Variants in CNTN5 observed in about 807,000 individuals in gnomAD.
CNTN5 encodes the protein contactin 5, also known as contactin-5.
CNTN5 carries 77 observed loss-of-function variants against 129.1 expected under a neutral mutation model. The observed-to-expected ratio is 0.60, with a 90% CI of 0.50 to 0.72. The LOEUF is 0.72. CNTN5 is among the 30% of genes least tolerant of loss of function. The pLI is 0.00. For missense variants in CNTN5, 1,478 were observed against 1,328.8 expected (o/e 1.11, Z -1.75); for synonymous variants, 509 against 465.6 (o/e 1.09, Z -1.20).
intron 3 of CNTN5, among the ~76,000 whole-genome samples, chr11:99,757,117 G>C (rs1002054896): frequency 6.6e-6 from 1 of 152,012 alleles, no homozygotes; most frequent in African/African-American, 2.4e-5. Context: ...GTCTCTGAAG[G>C]CACTAGGGCA....
intron 6 of CNTN5, among the ~76,000 whole-genome samples, chr11:99,870,771 A>C (rs1948484147): frequency 6.6e-6 from 1 of 151,502 alleles, no homozygotes. Context: ...CCCTCTCCTT[A>C]AAGGATGAAA....
intron 1 of CNTN5, among the ~76,000 whole-genome samples, chr11:99,185,755 A>T (rs186683346): frequency 6.6e-6 from 1 of 151,746 alleles, no homozygotes; most frequent in East Asian, 1.9e-4. Context: ...TGAAAAAAGG[A>T]GGGGAAATAA....
intron 3 of CNTN5, among the ~76,000 whole-genome samples, chr11:99,557,950 C>A (rs926077344): frequency 6.6e-5 from 10 of 151,596 alleles, no homozygotes; most frequent in Non-Finnish European, 1.2e-4. Flanking sequence ...AAACAAAAAA[C>A]CAAGTAATTA....
intron 11 of CNTN5, among the ~76,000 whole-genome samples, chr11:100,071,363 T>G (rs723746): frequency 0.054 from 8,167 of 152,194 alleles, 356 homozygotes; most frequent in Admixed American, 0.12. Context: ...TCTTTCCCTT[T>G]GTAAACGGAA....
intron 3 of CNTN5, among the ~76,000 whole-genome samples, chr11:99,683,141 T>C (rs886544891): frequency 1.3e-4 from 20 of 151,916 alleles, no homozygotes; most frequent in African/African-American, 4.8e-4. Flanking sequence ...TATATTTTGA[T>C]AATAAAAGTT....
chr11:99,225,532 G>T (rs17133286), intron 1 of CNTN5, among the ~76,000 whole-genome samples: 1 of 151,948 alleles, frequency 6.6e-6, no homozygotes, highest in Non-Finnish European at 1.5e-5. Context: ...TGAGAAATCC[G>T]CCTATCTGTT....
chr11:99,119,898 G>T (rs11218462), intron 1 of CNTN5, among the ~76,000 whole-genome samples: 1 of 151,964 alleles, frequency 6.6e-6, no homozygotes, highest in Non-Finnish European at 1.5e-5. Flanking sequence ...TTTTTCTTTC[G>T]TATGTTTTGG....
chr11:100,074,199 A>C lies in CNTN5; in HGVS notation c.1485A>C (p.Lys495Asn), dbSNP rs1161837612. 4 of 1,612,630 alleles carry C rather than the reference A, an allele frequency of 2.5e-6. No homozygotes were observed. The highest frequency in any genetic ancestry group is 3.4e-6 in the Non-Finnish European group (4 of 1,179,216). ...NQLKKTIIVTKDQEVVIECKP... is the reference protein window; with the variant it reads ...NQLKKTIIVTNDQEVVIECKP... ...TGAAGAAAACAATAATTGTTACCAA[A>C]GACCAAGAAGTTGTCATAGAGTGCA... is the stretch of plus-strand genomic sequence containing the variant. The change falls in exon 13 of 25, where the codon AAA (lysine) becomes AAC (asparagine). Residue 495 changes from lysine to asparagine, a missense_variant. Coordinates refer to ENST00000524871, the MANE Select transcript of CNTN5 (RefSeq NM_014361.4).
chr11:99,984,785 T>A (rs900362844), intron 8 of CNTN5, among the ~76,000 whole-genome samples: 1 of 152,128 alleles, frequency 6.6e-6, no homozygotes, highest in South Asian at 2.1e-4. Flanking sequence ...ATGGGAAGAA[T>A]TTGAGGCAAA....
chr11:99,719,890 A>G (rs1184831669), intron 3 of CNTN5, among the ~76,000 whole-genome samples: 2 of 152,152 alleles, frequency 1.3e-5, no homozygotes, highest in African/African-American at 2.4e-5. Context: ...ATCAGAAACT[A>G]CTATGAACAC....
At chr11:100,143,468 T>C (rs940302017) in intron 13 of CNTN5, among the ~76,000 whole-genome samples, 3 of 152,092 alleles carry the variant, frequency 2.0e-5, no homozygotes, top group Non-Finnish European at 2.9e-5. Flanking sequence ...AACCTAGTTA[T>C]ACTAGGAAAG....
At chr11:100,247,279 G>T (rs1205456931) in intron 16 of CNTN5, among the ~76,000 whole-genome samples, 1 of 152,054 alleles carries the variant, frequency 6.6e-6, no homozygotes, top group Admixed American at 6.6e-5. Flanking sequence ...TAATGATGAT[G>T]GTAACAGATG....
At chr11:99,745,027 C>G (rs1944010101) in intron 3 of CNTN5, among the ~76,000 whole-genome samples, 1 of 152,146 alleles carries the variant, frequency 6.6e-6, no homozygotes, top group Non-Finnish European at 1.5e-5. Flanking sequence ...CATCATTGAT[C>G]TTGTACACAG....
At chr11:99,326,571 T>C (rs1205890587) in intron 2 of CNTN5, among the ~76,000 whole-genome samples, 3 of 152,176 alleles carry the variant, frequency 2.0e-5, no homozygotes, top group Non-Finnish European at 4.4e-5. Flanking sequence ...GATTTTACTT[T>C]CTACTAGCCA....
At chr11:99,089,222 G>T (rs947928212) in intron 1 of CNTN5, among the ~76,000 whole-genome samples, 9 of 151,854 alleles carry the variant, frequency 5.9e-5, no homozygotes, top group African/African-American at 1.9e-4. Context: ...TCTATATCTA[G>T]TATACAAATA....
chr11:99,814,211 T>C (rs1447949654), intron 3 of CNTN5, among the ~76,000 whole-genome samples: 2 of 152,138 alleles, frequency 1.3e-5, no homozygotes, highest in Admixed American at 1.3e-4. Flanking sequence ...ACAGACATCA[T>C]TCATGTGACT....
At chr11:99,541,956 C>CAAAAAAAAAAA (rs56363127) in intron 2 of CNTN5, among the ~76,000 whole-genome samples, 63 of 68,800 alleles carry the variant, frequency 9.2e-4, no homozygotes, top group Non-Finnish European at 9.7e-4. Context: ...GATCTTGTCT[C>CAAAAAAAAAAA]AAAAAAAAAA....
chr11:99,300,142 C>A (rs1221744484), intron 1 of CNTN5, among the ~76,000 whole-genome samples: 1 of 152,044 alleles, frequency 6.6e-6, no homozygotes, highest in Non-Finnish European at 1.5e-5. Context: ...GTGGCCAGGA[C>A]TTCCAATTCT....
At position 99,770,648 on chromosome 11, in the gene CNTN5, A is replaced by T. The variant is rs12798184; in HGVS notation, c.56-48896A>T. ...TCATCAATGTCTTAGTTTGTAATGC[A>T]CAGATCTTTCATAACCTTAGTCAAA... On this transcript the variant is annotated intron_variant, in intron 3 of 24. Transcript: ENST00000524871. Among the ~76,000 whole-genome samples, 616 of 152,124 alleles carry T rather than the reference A, an allele frequency of 4.0e-3. 1 individual carries two copies. Among genetic ancestry groups the T allele is most frequent in the Non-Finnish European group, 5.7e-3 (386 of 67,954 alleles).
Sources: allele counts gnomAD v4.1 joint callset (sites outside exome capture counted in the v4.1 genomes callset), GRCh38; gene constraint gnomAD v4.1.1; transcripts MANE v1.5; gene names NCBI Gene and HGNC (gene_info 2026-07-23, HGNC 2026-07-21).